Variants in ZRANB2 observed in about 807,000 individuals in gnomAD.
ZRANB2 encodes zinc finger RANBP2-type containing 2.
ZRANB2 carries 19 observed loss-of-function variants against 53.4 expected under a neutral mutation model. The ratio of observed to expected loss-of-function variants is 0.36; its 90% CI spans 0.25 to 0.52. The LOEUF is 0.52. Among genes scored for constraint, ZRANB2 ranks in the 20% least tolerant of loss-of-function variants. The pLI is 0.93. For missense variants in ZRANB2, 309 were observed against 401.1 expected, an observed-to-expected ratio of 0.77 and a Z score of 1.96; for synonymous variants, 145 against 134.8, an observed-to-expected ratio of 1.08 and a Z score of -0.52.
At position 71,064,863 on chromosome 1, in the gene ZRANB2, T is replaced by C. The variant is rs1194439162; in HGVS notation, c.*211A>G. The C allele has an allele frequency of 4.7e-6, 2 of 428,578 alleles. No individual in the cohort carries two copies. Among genetic ancestry groups the C allele is most frequent in the Non-Finnish European group, 8.5e-6 (2 of 235,842 alleles). The allele number at this position is 428,578 out of a possible 1,614,324, so 26.5% of individuals were successfully genotyped here. ...GAAGCAAATGGTTGTAAATAATGAA[T>C]GACAGAACATCTATTTTGGGACATT... On this transcript the variant is annotated 3_prime_UTR_variant, in exon 10 of 10. Transcript: ENST00000370920.
At position 71,066,832 on chromosome 1, in the gene ZRANB2, T is replaced by A; in HGVS notation, c.873A>T (p.Arg291Ser). The change falls in exon 9 of 10, where the codon AGA becomes AGT. Residue 291 changes from arginine to serine, a missense_variant. Transcript: ENST00000370920. ...PERNRKRSRS[R>S]SSSSGDRKKR... ...TTTTGCGATCACCAGATGAAGAAGA[T>A]CTAGAACGACTTCTCTTTCTGTTCC... 1 of 1,612,542 alleles carries A rather than the reference T, an allele frequency of 6.2e-7. No individual in the cohort carries two copies. The highest frequency in any genetic ancestry group is 8.5e-7 in the Non-Finnish European group (1 of 1,179,508).
intron 7 of ZRANB2, 159 bp from the exon 8 acceptor site, chr1:71,069,521 G>A (rs1024784061): frequency 2.2e-6 from 1 of 457,912 alleles, no homozygotes; most frequent in African/African-American, 2.0e-5. Flanking sequence ...AATTAGATAA[G>A]ATTTAGTAAC....
At chr1:71,065,475 A>G (rs1557788627) in intron 9 of ZRANB2, among the ~76,000 whole-genome samples, 1 of 152,098 alleles carries the variant, frequency 6.6e-6, no homozygotes, top group Non-Finnish European at 1.5e-5. Context: ...TAAACTTGGT[A>G]ATGGAAGTGT....
chr1:71,067,543 C>T (rs1661475264), intron 8 of ZRANB2: 1 of 355,642 alleles, frequency 2.8e-6, no homozygotes, highest in Non-Finnish European at 5.6e-6. Flanking sequence ...GAAGTGTTGA[C>T]ATTCACATGC....
chr1:71,072,715 T>C (rs1661620943), intron 4 of ZRANB2, among the ~76,000 whole-genome samples, 167 bp from the exon 5 acceptor site: 1 of 152,156 alleles, frequency 6.6e-6, no homozygotes, highest in Non-Finnish European at 1.5e-5. Flanking sequence ...CCACAGAAAA[T>C]ACAGAGAACT....
intron 8 of ZRANB2, among the ~76,000 whole-genome samples, chr1:71,068,202 G>C (rs1661500906): frequency 6.6e-6 from 1 of 152,074 alleles, no homozygotes; most frequent in Admixed American, 6.5e-5. Flanking sequence ...ATGCAAGTGT[G>C]CACAACATTC....
intron 4 of ZRANB2, among the ~76,000 whole-genome samples, chr1:71,075,896 T>C (rs1053035967): frequency 6.7e-6 from 1 of 149,094 alleles, no homozygotes; most frequent in African/African-American, 2.5e-5. Flanking sequence ...GAATGTAAGT[T>C]TTAAAAAAGG....
chr1:71,076,644 T>TG, intron 4 of ZRANB2, 151 bp downstream of exon 4: 1 of 650,638 alleles, frequency 1.5e-6, no homozygotes, highest in Non-Finnish European at 2.7e-6. Flanking sequence ...TATGTGTGTA[T>TG]GGGGGGAAAA....
intron 7 of ZRANB2, 51 bp downstream of exon 7, chr1:71,070,776 G>T (rs755150169): frequency 8.1e-6 from 9 of 1,108,804 alleles, no homozygotes; most frequent in Admixed American, 2.8e-5. Flanking sequence ...AAATAAAAAA[G>T]TTAGATACTG....
chr1:71,076,667 C>T, intron 4 of ZRANB2, 128 bp downstream of exon 4: 1 of 722,214 alleles, frequency 1.4e-6, no homozygotes, highest in Non-Finnish European at 2.3e-6. Flanking sequence ...ATCCCAGTAA[C>T]AAACATTCAG....
chr1:71,075,370 G>A (rs979775091), intron 4 of ZRANB2, among the ~76,000 whole-genome samples: 5 of 152,142 alleles, frequency 3.3e-5, no homozygotes, highest in African/African-American at 4.8e-5. Context: ...CTAATCATGA[G>A]AAAGAGATCA....
intron 1 of ZRANB2, among the ~76,000 whole-genome samples, chr1:71,080,272 G>C (rs947134875): frequency 1.3e-5 from 2 of 152,104 alleles, no homozygotes; most frequent in Non-Finnish European, 2.9e-5. Flanking sequence ...TCAAAAAGCA[G>C]AGCCACTAAC....
intron 8 of ZRANB2, chr1:71,067,726 T>C (rs931186606): frequency 2.4e-6 from 1 of 418,876 alleles, no homozygotes; most frequent in Admixed American, 3.6e-5. Flanking sequence ...AATGAAAAAA[T>C]GTTTGGGAAG....
At chr1:71,069,519 A>T (rs564954966) in intron 7 of ZRANB2, 157 bp from the exon 8 acceptor site, 30 of 462,066 alleles carry the variant, frequency 6.5e-5, no homozygotes, top group Non-Finnish European at 1.5e-5. Context: ...TAAATTAGAT[A>T]AGATTTAGTA....
intron 8 of ZRANB2, chr1:71,067,685 C>A: frequency 2.3e-6 from 1 of 431,218 alleles, no homozygotes; most frequent in Non-Finnish European, 4.6e-6. Flanking sequence ...CCAGAAAGCC[C>A]AAAAGGAGAA....
chr1:71,069,401 T>C (rs756190555), intron 7 of ZRANB2, 39 bp from the exon 8 acceptor site: 1 of 1,518,238 alleles, frequency 6.6e-7, no homozygotes, highest in Non-Finnish European at 9.1e-7. Flanking sequence ...TCCAGGACCA[T>C]TTAATTGAGC....
chr1:71,078,697 A>G lies in ZRANB2; in HGVS notation c.68T>C (p.Val23Ala). 1 of 1,612,700 alleles carries G rather than the reference A, an allele frequency of 6.2e-7. No individual in the cohort carries two copies. Among genetic ancestry groups the G allele is most frequent in the Middle Eastern group, 1.7e-4 (1 of 6,050 alleles). The change falls in exon 2 of 10, where the codon GTA becomes GCA. Residue 23 changes from valine (V) to alanine (A), a missense_variant. Physicochemically the swap from Val to Ala is moderately conservative, Grantham distance 64 (BLOSUM62 0). Coordinates refer to ENST00000370920, the MANE Select transcript of ZRANB2 (RefSeq NM_203350.3). ...ACAGCTGGTTCTTCTAGCAAAGTTT[A>G]CATTTCCACATCTAAAAACAGATTA... ...WICPDKKCGN[V>A]NFARRTSCNR...
chr1:71,075,506 C>T (rs1189465322), intron 4 of ZRANB2, among the ~76,000 whole-genome samples: 1 of 152,028 alleles, frequency 6.6e-6, no homozygotes, highest in Non-Finnish European at 1.5e-5. Context: ...GAGCTGGAGA[C>T]ATAAACTTGG....
chr1:71,065,219 T>C (rs1053831094), intron 9 of ZRANB2, 82 bp from the exon 10 acceptor site: 10 of 1,147,640 alleles, frequency 8.7e-6, no homozygotes, highest in African/African-American at 4.7e-5. Flanking sequence ...TGTGAAAGTA[T>C]ACAAAATTCA....
Sources: allele counts gnomAD v4.1 joint callset (sites outside exome capture counted in the v4.1 genomes callset), GRCh38; gene constraint gnomAD v4.1.1; transcripts MANE v1.5; gene names NCBI Gene and HGNC (gene_info 2026-07-23, HGNC 2026-07-21).